The following SCAI variants were observed in gnomAD, a reference collection of about 807,000 sequenced individuals.
SCAI encodes the protein suppressor of cancer cell invasion.
In SCAI, 24 loss-of-function variants were observed where a neutral mutation model predicts 92.2. The observed-to-expected ratio is 0.26, with a 90% confidence interval of 0.19 to 0.37. The LOEUF is 0.37. Ranked by LOEUF, SCAI falls within the 10% of genes least tolerant of loss-of-function variation. The pLI is 1.00. For synonymous variants in SCAI, 261 were observed against 258.6 expected (o/e 1.01, Z -0.09); for missense variants, 450 against 736.2 (o/e 0.61, Z 4.50).
chr9:125,029,095 G>C (rs762391829), intron 4 of SCAI, among the ~76,000 whole-genome samples: 2 of 151,920 alleles, frequency 1.3e-5, no homozygotes, highest in Non-Finnish European at 2.9e-5. Flanking sequence ...ACTGCACCCA[G>C]CCTTATTTTA....
chr9:124,969,297 T>C (rs1434285089), intron 17 of SCAI, among the ~76,000 whole-genome samples: 2 of 152,094 alleles, frequency 1.3e-5, no homozygotes, highest in Non-Finnish European at 1.5e-5. Context: ...CAGAAAGAAA[T>C]AATATTCTGA....
chr9:125,118,733 T>C (rs1835101907), intron 2 of SCAI, among the ~76,000 whole-genome samples: 1 of 152,060 alleles, frequency 6.6e-6, no homozygotes, highest in Admixed American at 6.6e-5. Context: ...TCGATGAGTG[T>C]TGTTCCCTTC....
intron 17 of SCAI, among the ~76,000 whole-genome samples, chr9:124,960,355 G>A (rs1408562201): frequency 6.6e-6 from 1 of 152,146 alleles, no homozygotes; most frequent in Non-Finnish European, 1.5e-5. Context: ...TTGGCCTCCT[G>A]AAGTATTCAG....
rs146843463 is a variant in SCAI, at chr9:125,047,391, A to C, written c.230+8485T>G. Among the ~76,000 whole-genome samples the C allele has an allele frequency of 9.2e-3, 1,395 of 152,274 alleles. 14 individuals carry two copies. The highest frequency in any genetic ancestry group is 0.014 in the Middle Eastern group (4 of 294). On this transcript the variant is annotated intron_variant, in intron 3 of 17. Coordinates refer to ENST00000336505, the MANE Select transcript of SCAI (RefSeq NM_001144877.3). ...TGGACTTCCGGCCTCCAGAACTGTG[A>C]GAAAATGCATTTCTGTTGTTTAAGC...
intron 5 of SCAI, 73 bp downstream of exon 5, chr9:125,028,319 T>C: frequency 1.2e-6 from 1 of 801,890 alleles, no homozygotes; most frequent in Non-Finnish European, 2.1e-6. Context: ...ATGAGTATAC[T>C]ATGTATGTAT....
At position 124,945,476 on chromosome 9, in the gene SCAI, A is replaced by G. The variant is rs569791212; in HGVS notation, c.*7331T>C. On this transcript the variant is annotated 3_prime_UTR_variant, in exon 18 of 18. Coordinates refer to ENST00000336505, the MANE Select transcript of SCAI (RefSeq NM_001144877.3). ...AGGCTGAGGCAGGAGAATCTCTTGA[A>G]CCCAGGAGGCGGAGGTTGCAGTGAG... The G allele has an allele frequency of 1.3e-5, 2 of 152,138 alleles. No homozygotes were observed. Among genetic ancestry groups the G allele is most frequent in the East Asian group, 3.9e-4 (2 of 5,178 alleles). The allele number at this position is 152,138 out of a possible 1,614,324, so 9.4% of individuals were successfully genotyped here.
At chr9:125,034,310 A>C (rs1030353178) in intron 3 of SCAI, among the ~76,000 whole-genome samples, 9 of 152,176 alleles carry the variant, frequency 5.9e-5, no homozygotes, top group Non-Finnish European at 1.3e-4. Flanking sequence ...AAGAGGCAAA[A>C]GGTAAGATCT....
At chr9:125,143,130 C>T (rs1835708789) in intron 1 of SCAI, among the ~76,000 whole-genome samples, 1 of 151,446 alleles carries the variant, frequency 6.6e-6, no homozygotes, top group African/African-American at 2.4e-5. Flanking sequence ...CCGCCTTGCC[C>T]CTCCCGGCCC....
At chr9:125,007,656 GAA>G (rs955865168) in intron 9 of SCAI, among the ~76,000 whole-genome samples, 2 of 145,356 alleles carry the variant, frequency 1.4e-5, no homozygotes, top group African/African-American at 5.0e-5. Context: ...TCTCTAAAAA[GAA>G]AAAAAAAAAA....
At chr9:124,990,631 C>T (rs531770610) in intron 14 of SCAI, among the ~76,000 whole-genome samples, 67 of 151,594 alleles carry the variant, frequency 4.4e-4, no homozygotes, top group African/African-American at 1.2e-3. Context: ...TAATACATAA[C>T]GCTAAAACTG....
chr9:125,116,013 C>A (rs189351258), intron 2 of SCAI, among the ~76,000 whole-genome samples: 1 of 152,068 alleles, frequency 6.6e-6, no homozygotes, highest in Non-Finnish European at 1.5e-5. Flanking sequence ...TGGCCAACAT[C>A]GTGAAATCCC....
intron 2 of SCAI, among the ~76,000 whole-genome samples, chr9:125,127,617 G>A (rs1835304838): frequency 6.6e-6 from 1 of 152,116 alleles, no homozygotes; most frequent in Non-Finnish European, 1.5e-5. Flanking sequence ...AGATTCATAT[G>A]TGCTATACAG....
chr9:124,982,815 T>C lies in SCAI; in HGVS notation c.1327-6629A>G, dbSNP rs1023738992. Among the ~76,000 whole-genome samples, 3 of 152,138 alleles carry C rather than the reference T, an allele frequency of 2.0e-5. No individual in the cohort carries two copies. The East Asian group carries it at 5.8e-4, about 29-fold the overall frequency. On this transcript the variant is annotated intron_variant, in intron 14 of 17. Transcript: ENST00000336505. ...TGGGGCTGTTCTGATTTCTTTCATA[T>C]AGCCATTCAATCTTTTGCCTAGGAA...
intron 9 of SCAI, among the ~76,000 whole-genome samples, chr9:125,004,175 C>CA (rs1420839599): frequency 2.0e-5 from 3 of 151,252 alleles, no homozygotes; most frequent in African/African-American, 4.9e-5. Context: ...GACTCTGTCT[C>CA]AAAAAAAATA....
In SCAI at chr9:125,040,972, T is replaced by G. The variant is rs182389689; in HGVS notation, c.231-11233A>C. Among the ~76,000 whole-genome samples, 903 of 152,216 alleles carry G rather than the reference T, an allele frequency of 5.9e-3. 10 individuals are homozygous for G. Among genetic ancestry groups the G allele is most frequent in the African/African-American group, 0.021 (877 of 41,522 alleles). On this transcript the variant is annotated intron_variant, in intron 3 of 17. Transcript: ENST00000336505. ...AATGCTGTAATAAATATCTTCATAC[T>G]AATAAATTTGAATAGCTACACAATA...
rs200447745 is a variant in SCAI at position 125,133,211 on chromosome 9, G to A, written c.98+9422C>T. ...TCGAGACCAGCCTAGGCAACATGGC[G>A]AAACCCCAGCTCTACTAAAAATACA... is the stretch of plus-strand genomic sequence containing the variant. On this transcript the variant is annotated intron_variant, in intron 2 of 17. Coordinates refer to ENST00000336505, the MANE Select transcript of SCAI (RefSeq NM_001144877.3). 2.6e-4 allele frequency among the ~76,000 whole-genome samples: 40 copies of A among 152,124 alleles called. No homozygotes were observed. The East Asian group carries it at 6.6e-3, about 25-fold the overall frequency.
At chr9:125,024,780 C>T (rs1177334039) in intron 6 of SCAI, among the ~76,000 whole-genome samples, 1 of 152,206 alleles carries the variant, frequency 6.6e-6, no homozygotes, top group Non-Finnish European at 1.5e-5. Context: ...CCAGGTTCAG[C>T]TTTGGCCATT....
intron 14 of SCAI, among the ~76,000 whole-genome samples, chr9:124,993,695 T>C (rs1298794804): frequency 6.6e-6 from 1 of 152,146 alleles, no homozygotes; most frequent in Non-Finnish European, 1.5e-5. Context: ...GTATGGTGCA[T>C]TGGAAGCTCT....
intron 3 of SCAI, among the ~76,000 whole-genome samples, chr9:125,039,385 C>CAAAAAAAAAAAA (rs58716034): frequency 2.1e-5 from 1 of 48,258 alleles, no homozygotes; most frequent in Non-Finnish European, 4.1e-5. Context: ...GACTCCATCT[C>CAAAAAAAAAAAA]AAAAAAAAAA....
Sources: allele counts gnomAD v4.1 joint callset (sites outside exome capture counted in the v4.1 genomes callset), GRCh38; gene constraint gnomAD v4.1.1; transcripts MANE v1.5; gene names NCBI Gene and HGNC (gene_info 2026-07-23, HGNC 2026-07-21).